Variants in ITPR1 observed in about 807,000 individuals in gnomAD.
The protein encoded by ITPR1 is inositol 1,4,5-trisphosphate receptor type 1.
Under a neutral mutation model 318.4 loss-of-function variants are expected in ITPR1, and 96 were observed. That is an observed-to-expected ratio of 0.30 (90% CI 0.26 to 0.36). ITPR1 has a LOEUF of 0.36. Among genes scored for constraint, ITPR1 ranks in the 10% least tolerant of loss-of-function variants. ITPR1 has a pLI of 1.00. For missense variants in ITPR1, 2,440 were observed against 3,460.2 expected (o/e 0.71, Z 7.40); for synonymous variants, 1,312 against 1,289.9 (o/e 1.02, Z -0.37).
intron 4 of ITPR1, among the ~76,000 whole-genome samples, chr3:4,587,704 A>G (rs1247680313): frequency 2.0e-5 from 3 of 152,200 alleles, no homozygotes; most frequent in African/African-American, 7.2e-5. Flanking sequence ...ACTGGAGGTA[A>G]TTGCCCACAG....
chr3:4,589,425 A>G (rs2090196976), intron 4 of ITPR1, among the ~76,000 whole-genome samples: 1 of 152,168 alleles, frequency 6.6e-6, no homozygotes. Flanking sequence ...AGCAACATTG[A>G]CATTAACTGG....
intron 46 of ITPR1, among the ~76,000 whole-genome samples, chr3:4,773,543 A>G (rs1366428899): frequency 6.6e-6 from 1 of 152,114 alleles, no homozygotes; most frequent in Non-Finnish European, 1.5e-5. Context: ...ATTAATCTAT[A>G]TGCCTTTTTA....
At chr3:4,726,413 G>C (rs975772344) in intron 41 of ITPR1, among the ~76,000 whole-genome samples, 1 of 151,942 alleles carries the variant, frequency 6.6e-6, no homozygotes, top group African/African-American at 2.4e-5. Context: ...CGTTTACTAA[G>C]GTCTGTAAGA....
At chr3:4,540,912 A>G (rs115841154) in intron 4 of ITPR1, among the ~76,000 whole-genome samples, 2 of 151,986 alleles carry the variant, frequency 1.3e-5, no homozygotes, top group Non-Finnish European at 2.9e-5. Flanking sequence ...GTTGTTCTCC[A>G]TTCTGTTATT....
chr3:4,547,365 A>G (rs1014328653), intron 4 of ITPR1, among the ~76,000 whole-genome samples: 1 of 152,216 alleles, frequency 6.6e-6, no homozygotes, highest in Non-Finnish European at 1.5e-5. Context: ...CTTACCATTC[A>G]TGGAAAGCTG....
At chr3:4,659,410 G>T (rs1173808291) in intron 13 of ITPR1, among the ~76,000 whole-genome samples, 1 of 152,222 alleles carries the variant, frequency 6.6e-6, no homozygotes, top group African/African-American at 2.4e-5. Flanking sequence ...GCCGGGCGCA[G>T]TGCCTCACAC....
chr3:4,639,265 C>T (rs1349530009), intron 5 of ITPR1, 119 bp from the exon 6 acceptor site: 2 of 749,210 alleles, frequency 2.7e-6, no homozygotes, highest in Non-Finnish European at 4.6e-6. Flanking sequence ...GGTGTGTCCT[C>T]AGGGATTTGC....
intron 4 of ITPR1, among the ~76,000 whole-genome samples, chr3:4,619,428 C>A (rs1305335372): frequency 2.0e-5 from 3 of 149,762 alleles, no homozygotes; most frequent in Non-Finnish European, 3.0e-5. Context: ...CTTTCTTTTG[C>A]CCCCTTTCCT....
intron 54 of ITPR1, among the ~76,000 whole-genome samples, chr3:4,804,851 C>A (rs538185662): frequency 6.6e-6 from 1 of 152,288 alleles, no homozygotes; most frequent in East Asian, 1.9e-4. Flanking sequence ...TGCCGAGAAG[C>A]TCACTTACAC....
intron 53 of ITPR1, among the ~76,000 whole-genome samples, chr3:4,795,395 C>A (rs1408462290): frequency 6.6e-6 from 1 of 151,818 alleles, no homozygotes; most frequent in Non-Finnish European, 1.5e-5. Flanking sequence ...TTTTTTTAAC[C>A]AGGAAAGAAA....
chr3:4,770,507 C>G (rs1390024354), intron 46 of ITPR1, among the ~76,000 whole-genome samples: 1 of 152,154 alleles, frequency 6.6e-6, no homozygotes, highest in Non-Finnish European at 1.5e-5. Context: ...CACACAAACC[C>G]CACTGTCGGC....
chr3:4,599,348 T>A (rs900166357), intron 4 of ITPR1, among the ~76,000 whole-genome samples: 2 of 152,212 alleles, frequency 1.3e-5, no homozygotes, highest in African/African-American at 4.8e-5. Context: ...TTGCACAGTG[T>A]TTTAAAATCT....
chr3:4,722,120 T>G (rs770966541), intron 40 of ITPR1, among the ~76,000 whole-genome samples: 1 of 152,198 alleles, frequency 6.6e-6, no homozygotes, highest in Non-Finnish European at 1.5e-5. Context: ...TTCAGTGACT[T>G]GAGGTGCAGT....
In ITPR1 at chr3:4,768,660, G is replaced by A. The variant is rs773864227; in HGVS notation, c.5875G>A (p.Asp1959Asn). ...TGGAGAGGGCACCCAGGCCACTGCCGACAAGGCCAAGGACGACCTGGAGAT... is the reference window on the plus strand; with the variant it reads ...TGGAGAGGGCACCCAGGCCACTGCCAACAAGGCCAAGGACGACCTGGAGAT... ...QPGEGTQATADKAKDDLEMSA... is the reference protein window; with the variant it reads ...QPGEGTQATANKAKDDLEMSA... Residue 1959 changes from aspartate (D) to asparagine (N), a missense_variant, in exon 46 of 62, where the codon GAC becomes AAC. By Grantham distance (23) the Asp-to-Asn change is conservative. Transcript: ENST00000649015. 26 of 1,613,842 alleles carry A rather than the reference G, an allele frequency of 1.6e-5. No individual in the cohort carries two copies. The highest frequency in any genetic ancestry group is 6.7e-5 in the East Asian group (3 of 44,870).
chr3:4,660,101 C>T (rs2093800404), intron 13 of ITPR1, among the ~76,000 whole-genome samples: 1 of 152,182 alleles, frequency 6.6e-6, no homozygotes, highest in African/African-American at 2.4e-5. Context: ...CTTGATTACG[C>T]TCTCACCAAC....
At chr3:4,565,870 A>G (rs549454894) in intron 4 of ITPR1, among the ~76,000 whole-genome samples, 4 of 152,372 alleles carry the variant, frequency 2.6e-5, no homozygotes, top group South Asian at 2.1e-4. Flanking sequence ...TCCACTAAGT[A>G]TATTAATATC....
intron 60 of ITPR1, among the ~76,000 whole-genome samples, chr3:4,835,940 T>TCAACCACTTCAGGCTGG (rs1324009039): frequency 2.6e-5 from 4 of 152,044 alleles, no homozygotes; most frequent in African/African-American, 9.7e-5. Flanking sequence ...CCAGCACCCA[T>TCAACCACTTCAGGCTGG]CAACCACTTC....
intron 5 of ITPR1, among the ~76,000 whole-genome samples, chr3:4,635,783 T>G (rs1428002487): frequency 6.6e-6 from 1 of 152,194 alleles, no homozygotes; most frequent in Non-Finnish European, 1.5e-5. Context: ...CCTTGTTACC[T>G]TTTCATCTAC....
chr3:4,597,077 C>T (rs1396876628), intron 4 of ITPR1, among the ~76,000 whole-genome samples: 6 of 152,182 alleles, frequency 3.9e-5, no homozygotes, highest in East Asian at 1.9e-4. Context: ...TCTTCTTATT[C>T]GCCTCCAGCT....
Sources: allele counts gnomAD v4.1 joint callset (sites outside exome capture counted in the v4.1 genomes callset), GRCh38; gene constraint gnomAD v4.1.1; transcripts MANE v1.5; gene names NCBI Gene and HGNC (gene_info 2026-07-23, HGNC 2026-07-21).